Variants in RBFOX3 observed in about 807,000 individuals in gnomAD.
The protein encoded by RBFOX3 is RNA binding fox-1 homolog 3.
Under a neutral mutation model 48.7 loss-of-function variants are expected in RBFOX3, and 17 were observed. The observed-to-expected ratio is 0.35, with a 90% CI of 0.24 to 0.52. RBFOX3 has a LOEUF of 0.52. RBFOX3 is among the 20% of genes least tolerant of loss of function. RBFOX3 has a pLI of 0.94. For missense variants in RBFOX3, 382 were observed against 497.5 expected (o/e 0.77, Z 2.21); for synonymous variants, 212 against 209.5 (o/e 1.01, Z -0.10).
chr17:79,551,499 A>G (rs1791805620), intron 1 of RBFOX3, among the ~76,000 whole-genome samples: 1 of 80,020 alleles, frequency 1.2e-5, no homozygotes, highest in South Asian at 4.9e-4. Flanking sequence ...GGGTGGGTGG[A>G]TGGACGGGTA....
At chr17:79,646,463 T>C in the RBFOX3 span, among the ~76,000 whole-genome samples, 2 of 152,216 alleles carry the variant, frequency 1.3e-5, no homozygotes, top group Non-Finnish European at 2.9e-5. Context: ...CTCACAGTCA[T>C]GGCAGAAGGC....
chr17:79,607,124 T>G (rs1485285124), intron 1 of RBFOX3, among the ~76,000 whole-genome samples: 2 of 152,138 alleles, frequency 1.3e-5, no homozygotes, highest in Non-Finnish European at 2.9e-5. Context: ...GATGTGTTTA[T>G]AAAGCCGGTG....
chr17:79,660,956 G>T, the RBFOX3 span, among the ~76,000 whole-genome samples: 8 of 152,154 alleles, frequency 5.3e-5, no homozygotes, highest in African/African-American at 1.9e-4. Flanking sequence ...GCCAAAAAAA[G>T]GAATGAGAAC....
the RBFOX3 span, among the ~76,000 whole-genome samples, chr17:79,629,069 C>G: frequency 3.3e-5 from 5 of 152,210 alleles, no homozygotes; most frequent in Admixed American, 6.5e-5. Context: ...CTGGGGCAGG[C>G]AGAGGGGCCC....
At chr17:79,609,944 G>T (rs1444562388) in intron 1 of RBFOX3, among the ~76,000 whole-genome samples, 1 of 151,908 alleles carries the variant, frequency 6.6e-6, no homozygotes, top group Non-Finnish European at 1.5e-5. Context: ...AGGGCAGAAA[G>T]TTTGGGCCAG....
chr17:79,275,146 C>T (rs1278317958), intron 3 of RBFOX3, among the ~76,000 whole-genome samples: 2 of 151,102 alleles, frequency 1.3e-5, no homozygotes, highest in Admixed American at 6.6e-5. Flanking sequence ...CTCTCTCTCT[C>T]TCTCTGTCTC....
intron 2 of RBFOX3, among the ~76,000 whole-genome samples, chr17:79,388,163 T>C (rs1025803064): frequency 2.0e-5 from 3 of 152,224 alleles, no homozygotes; most frequent in Non-Finnish European, 2.9e-5. Flanking sequence ...TGTGCATGTG[T>C]GTTAGCAGCT....
At position 79,198,753 on chromosome 17, in the gene RBFOX3, G is replaced by A. The variant is rs928220578; in HGVS notation, c.-34+37013C>T. Among the ~76,000 whole-genome samples the A allele has an allele frequency of 6.6e-6, 1 of 152,048 alleles. No individual in the cohort carries two copies. Among genetic ancestry groups the A allele is most frequent in the Admixed American group, 6.5e-5 (1 of 15,268 alleles). On this transcript the variant is annotated intron_variant, in intron 4 of 14. Coordinates refer to ENST00000693108, the MANE Select transcript of RBFOX3 (RefSeq NM_001350451.2). This position sits in a 1 kb window ranked among gnomAD's most constrained non-coding sequence, Gnocchi z 8.2. ...CGATTCTCCTGCCTCAGCCTCCCAA[G>A]TAGCTGGGATTATAGGCATGTGCCA...
intron 2 of RBFOX3, among the ~76,000 whole-genome samples, chr17:79,381,175 G>C (rs1425093406): frequency 6.6e-6 from 1 of 151,812 alleles, no homozygotes; most frequent in Non-Finnish European, 1.5e-5. Flanking sequence ...CAGGAGAATC[G>C]CTTGAAGCTG....
chr17:79,510,149 C>T (rs1355710382), intron 1 of RBFOX3, among the ~76,000 whole-genome samples: 3 of 152,166 alleles, frequency 2.0e-5, no homozygotes, highest in African/African-American at 7.2e-5. Flanking sequence ...GCAGCCAAGT[C>T]TCCTGCAGTG....
chr17:79,124,939 G>T (rs2036782783), intron 4 of RBFOX3, among the ~76,000 whole-genome samples: 1 of 128,036 alleles, frequency 7.8e-6, no homozygotes, highest in African/African-American at 3.0e-5. Context: ...CCCAGTCCAC[G>T]ACTCTCCCCA....
the RBFOX3 span, among the ~76,000 whole-genome samples, chr17:79,656,793 A>AGAAGGAAG: frequency 3.3e-3 from 68 of 20,638 alleles, no homozygotes; most frequent in African/African-American, 9.1e-3. Flanking sequence ...AAAGAAAGAA[A>AGAAGGAAG]GAAAGAAAGA....
chr17:79,529,914 T>C (rs1200645956), intron 1 of RBFOX3, among the ~76,000 whole-genome samples: 1 of 152,210 alleles, frequency 6.6e-6, no homozygotes, highest in African/African-American at 2.4e-5. Context: ...TTCACGTTCA[T>C]CCATGGCTGC....
chr17:79,281,143 G>A (rs1051298062), intron 3 of RBFOX3, among the ~76,000 whole-genome samples: 7 of 152,244 alleles, frequency 4.6e-5, no homozygotes, highest in African/African-American at 9.6e-5. Flanking sequence ...GGAGCTTCGC[G>A]TGTCTTCCAA....
chr17:79,233,959 T>A (rs905294933), intron 4 of RBFOX3: 1 of 152,250 alleles, frequency 6.6e-6, no homozygotes, highest in African/African-American at 2.4e-5. Context: ...CTCCTTCCGA[T>A]GCTTCCCTGT....
At position 79,363,606 on chromosome 17, in the gene RBFOX3, C is replaced by T. The variant is rs186210353; in HGVS notation, c.-174-55782G>A. ...GGGGGTCTCCGCGAGCAACATACCT[C>T]TTACCCAGGGGCCCAATCGAAGATC... On this transcript the variant is annotated intron_variant, in intron 2 of 14. Coordinates refer to ENST00000693108, the MANE Select transcript of RBFOX3 (RefSeq NM_001350451.2). This position sits in a 1 kb window ranked among gnomAD's most constrained non-coding sequence, Gnocchi z 4.7. Among the ~76,000 whole-genome samples, 31 of 152,060 alleles carry T rather than the reference C, an allele frequency of 2.0e-4. No homozygotes were observed. The highest frequency in any genetic ancestry group is 3.8e-4 in the Non-Finnish European group (26 of 67,986).
intron 1 of RBFOX3, among the ~76,000 whole-genome samples, chr17:79,513,351 C>T (rs1377234168): frequency 6.6e-6 from 1 of 152,210 alleles, no homozygotes; most frequent in East Asian, 1.9e-4. Flanking sequence ...GGCATGGCCC[C>T]ACGGCCAGGT....
chr17:79,368,506 C>T (rs936586102), intron 2 of RBFOX3, among the ~76,000 whole-genome samples: 3 of 152,246 alleles, frequency 2.0e-5, no homozygotes, highest in Non-Finnish European at 2.9e-5. Context: ...GTCGTGGGTT[C>T]CACCGGTTCC....
At chr17:79,279,439 G>T (rs1347585463) in intron 3 of RBFOX3, among the ~76,000 whole-genome samples, 1 of 152,140 alleles carries the variant, frequency 6.6e-6, no homozygotes, top group Non-Finnish European at 1.5e-5. Context: ...GGTGGAGGGA[G>T]CATCCCCCAC....
Sources: gnomAD v4.1 joint callset for allele counts (sites outside exome capture counted in the v4.1 genomes callset) on GRCh38, gnomAD v4.1.1 for gene constraint, Gnocchi (gnomAD v3.1) non-coding constraint, MANE v1.5 for transcripts, NCBI Gene and HGNC (gene_info 2026-07-23, HGNC 2026-07-21) for gene names.